The following CNTNAP5 variants were observed in gnomAD, a reference collection of about 807,000 sequenced individuals.
The protein encoded by CNTNAP5 is contactin associated protein family member 5, also known as contactin-associated protein-like 5.
In CNTNAP5, 72 loss-of-function variants were observed where a neutral mutation model predicts 150.2. The observed-to-expected ratio is 0.48, with a 90% CI of 0.40 to 0.58. The LOEUF (loss-of-function observed/expected upper bound fraction) is 0.58, where lower values mean the gene tolerates loss of function less well. Among genes scored for constraint, CNTNAP5 ranks in the 20% least tolerant of loss-of-function variants. The pLI is 0.00. For synonymous variants in CNTNAP5, 672 were observed against 619.8 expected, an observed-to-expected ratio of 1.08 and a Z score of -1.25; for missense variants, 1,636 against 1,626.2, an observed-to-expected ratio of 1.01 and a Z score of -0.10.
At chr2:124,473,333 C>G (rs905188736) in intron 6 of CNTNAP5, among the ~76,000 whole-genome samples, 8 of 151,584 alleles carry the variant, frequency 5.3e-5, no homozygotes, top group African/African-American at 1.9e-4. Flanking sequence ...AATAAATTAT[C>G]AATAAAAATT....
chr2:124,439,647 G>C (rs1692626367), intron 5 of CNTNAP5, among the ~76,000 whole-genome samples: 1 of 152,116 alleles, frequency 6.6e-6, no homozygotes, highest in Non-Finnish European at 1.5e-5. Context: ...TCTGGATTGA[G>C]AGTCAAGTCC....
intron 1 of CNTNAP5, among the ~76,000 whole-genome samples, chr2:124,176,657 A>G (rs1685070997): frequency 6.6e-6 from 1 of 152,070 alleles, no homozygotes; most frequent in Non-Finnish European, 1.5e-5. Context: ...GATTGGACAA[A>G]TAGAGTATGA....
At chr2:124,246,894 C>T (rs1687043166) in intron 3 of CNTNAP5, among the ~76,000 whole-genome samples, 1 of 151,990 alleles carries the variant, frequency 6.6e-6, no homozygotes, top group African/African-American at 2.4e-5. Flanking sequence ...ATTATGTTGC[C>T]TCTCCCCAAA....
At chr2:124,152,321 T>G (rs1362122004) in intron 1 of CNTNAP5, among the ~76,000 whole-genome samples, 2 of 152,216 alleles carry the variant, frequency 1.3e-5, no homozygotes, top group East Asian at 3.9e-4. Flanking sequence ...CTAAGTGCAT[T>G]ATATCCACGT....
At chr2:124,450,482 C>T (rs1231489784) in intron 6 of CNTNAP5, among the ~76,000 whole-genome samples, 1 of 143,466 alleles carries the variant, frequency 7.0e-6, no homozygotes, top group Admixed American at 7.4e-5. Flanking sequence ...CTTTGCTGCA[C>T]TAAGATGTCT....
At chr2:124,878,914 C>A (rs946444958) in intron 21 of CNTNAP5, among the ~76,000 whole-genome samples, 2 of 151,946 alleles carry the variant, frequency 1.3e-5, no homozygotes, top group African/African-American at 4.8e-5. Flanking sequence ...AACTCCTGAC[C>A]TCCAGTAATC....
chr2:124,191,063 T>C (rs1685446982), intron 1 of CNTNAP5, among the ~76,000 whole-genome samples: 2 of 152,208 alleles, frequency 1.3e-5, no homozygotes. Context: ...GCTGTAAATA[T>C]ATACCTATGT....
intron 1 of CNTNAP5, among the ~76,000 whole-genome samples, chr2:124,208,293 A>G (rs1401951148): frequency 6.6e-6 from 1 of 152,188 alleles, no homozygotes; most frequent in Non-Finnish European, 1.5e-5. Context: ...GTACAGTTTT[A>G]ACAAATGGCA....
At chr2:124,171,226 T>C (rs959562306) in intron 1 of CNTNAP5, among the ~76,000 whole-genome samples, 11 of 152,200 alleles carry the variant, frequency 7.2e-5, no homozygotes, top group Admixed American at 6.5e-5. Flanking sequence ...GCTCTTTCTC[T>C]GTTCACTGGC....
At chr2:124,624,377 A>C (rs1382970441) in intron 12 of CNTNAP5, among the ~76,000 whole-genome samples, 1 of 152,196 alleles carries the variant, frequency 6.6e-6, no homozygotes, top group Non-Finnish European at 1.5e-5. Context: ...TTACTTGATC[A>C]TTCATTCATC....
chr2:124,821,150 C>A (rs558350627), intron 19 of CNTNAP5, among the ~76,000 whole-genome samples: 2 of 152,234 alleles, frequency 1.3e-5, no homozygotes, highest in South Asian at 2.1e-4. Context: ...TATCTGGGAA[C>A]AATAATACAA....
chr2:124,457,204 A>G (rs1029466600), intron 6 of CNTNAP5, among the ~76,000 whole-genome samples: 6 of 152,148 alleles, frequency 3.9e-5, no homozygotes, highest in Non-Finnish European at 7.4e-5. Flanking sequence ...ATTCTAGAAG[A>G]TAACATTGGA....
chr2:124,673,119 G>A (rs1275902730), intron 13 of CNTNAP5, among the ~76,000 whole-genome samples: 1 of 152,086 alleles, frequency 6.6e-6, no homozygotes, highest in African/African-American at 2.4e-5. Context: ...AATTTTATTT[G>A]CTAGTAAACC....
At chr2:124,752,502 T>C (rs1680749052) in intron 14 of CNTNAP5, among the ~76,000 whole-genome samples, 1 of 152,126 alleles carries the variant, frequency 6.6e-6, no homozygotes, top group Admixed American at 6.5e-5. Flanking sequence ...AAAAAAGTCA[T>C]TCAGTGAACC....
chr2:124,434,355 T>G lies in CNTNAP5; in HGVS notation c.530-129T>G, dbSNP rs985596230. ...GGGTGGTTCTAGTCTACATGTTTCC[T>G]GTTGAGACTAGACCTGGCAGATCTC... On this transcript the variant is annotated intron_variant, in intron 4 of 23. Coordinates refer to ENST00000682447, the MANE Select transcript of CNTNAP5 (RefSeq NM_001367498.1). 8.4e-6 allele frequency: 6 copies of G among 711,172 alleles called. No homozygotes were observed. The Admixed American group carries it at 1.1e-4, about 14-fold the overall frequency. 44.1% of individuals were successfully genotyped at this position (711,172 alleles called of 1,614,324 possible).
rs114383258 is a variant in CNTNAP5, at chr2:124,406,093, C to T, written c.382-11350C>T. Among the ~76,000 whole-genome samples, 196 of 152,268 alleles carry T rather than the reference C, an allele frequency of 1.3e-3. 1 individual carries two copies. Among genetic ancestry groups the T allele is most frequent in the African/African-American group, 4.3e-3 (179 of 41,546 alleles). On this transcript the variant is annotated intron_variant, in intron 3 of 23. Transcript: ENST00000682447. ...CCGTTTAGATTTCTTCTTTGACCTA[C>T]GGGTTACATAAAACTGTGTTGATTA...
chr2:124,673,778 G>A, intron 13 of CNTNAP5, among the ~76,000 whole-genome samples: 1 of 146,278 alleles, frequency 6.8e-6, no homozygotes. Context: ...AAAAAAAAAA[G>A]AGATCCTCTA....
intron 1 of CNTNAP5, among the ~76,000 whole-genome samples, chr2:124,148,028 G>A (rs1287084963): frequency 6.6e-6 from 1 of 152,130 alleles, no homozygotes; most frequent in Non-Finnish European, 1.5e-5. Flanking sequence ...CGCTGGCTGC[G>A]GGCACTTTCA....
chr2:124,377,100 T>C (rs1573953647), intron 3 of CNTNAP5, among the ~76,000 whole-genome samples: 1 of 152,238 alleles, frequency 6.6e-6, no homozygotes, highest in South Asian at 2.1e-4. Flanking sequence ...AAATCTTTAA[T>C]AGCCTTAAGG....
Sources: allele counts gnomAD v4.1 joint callset (sites outside exome capture counted in the v4.1 genomes callset), GRCh38; gene constraint gnomAD v4.1.1; transcripts MANE v1.5; gene names NCBI Gene and HGNC (gene_info 2026-07-23, HGNC 2026-07-21).